Variants in CNTNAP2 observed in about 807,000 individuals in gnomAD.
CNTNAP2 encodes the protein contactin-associated protein-like 2.
In CNTNAP2, 98 loss-of-function variants were observed where a neutral mutation model predicts 155.2. The ratio of observed to expected loss-of-function variants is 0.63; its 90% confidence interval spans 0.54 to 0.75. The LOEUF (loss-of-function observed/expected upper bound fraction) is 0.75. Ranked by LOEUF, CNTNAP2 falls within the 30% of genes least tolerant of loss-of-function variation. The pLI is 0.00. For synonymous variants in CNTNAP2, 651 were observed against 631.2 expected, an observed-to-expected ratio of 1.03 and a Z score of -0.47; for missense variants, 1,727 against 1,688.1, an observed-to-expected ratio of 1.02 and a Z score of -0.40.
At chr7:147,049,236 A>G (rs1469294912) in intron 4 of CNTNAP2, among the ~76,000 whole-genome samples, 3 of 152,222 alleles carry the variant, frequency 2.0e-5, no homozygotes, top group African/African-American at 7.2e-5. Flanking sequence ...GCGTACACCA[A>G]ATGTCCAGAT....
chr7:146,939,958 G>A (rs1797013283), intron 3 of CNTNAP2, among the ~76,000 whole-genome samples: 1 of 151,922 alleles, frequency 6.6e-6, no homozygotes, highest in Non-Finnish European at 1.5e-5. Flanking sequence ...AAGTCTCACC[G>A]GACTAATGCT....
At chr7:146,626,666 T>C (rs1799424789) in intron 1 of CNTNAP2, among the ~76,000 whole-genome samples, 1 of 152,112 alleles carries the variant, frequency 6.6e-6, no homozygotes, top group African/African-American at 2.4e-5. Context: ...TCATCATGAA[T>C]TAAAGACTAG....
chr7:146,581,940 G>A (rs996796467), intron 1 of CNTNAP2, among the ~76,000 whole-genome samples: 1 of 152,070 alleles, frequency 6.6e-6, no homozygotes, highest in Non-Finnish European at 1.5e-5. Context: ...ACCACGAGGA[G>A]TTTACAATCT....
chr7:147,706,370 C>T (rs537706755), intron 13 of CNTNAP2, among the ~76,000 whole-genome samples: 2 of 151,962 alleles, frequency 1.3e-5, no homozygotes, highest in African/African-American at 4.8e-5. Flanking sequence ...TTTATTTCTC[C>T]TTCATTTATG....
intron 14 of CNTNAP2, among the ~76,000 whole-genome samples, chr7:147,944,570 C>G (rs1159670220): frequency 6.6e-6 from 1 of 152,152 alleles, no homozygotes; most frequent in Admixed American, 6.5e-5. Flanking sequence ...GGGAAATTGA[C>G]AAGTGTGTCT....
intron 8 of CNTNAP2, among the ~76,000 whole-genome samples, chr7:147,257,245 A>G (rs1239410504): frequency 4.6e-5 from 7 of 152,160 alleles, no homozygotes; most frequent in Admixed American, 3.9e-4. Flanking sequence ...GGTCCAGTGA[A>G]ACATTGAGGT....
intron 1 of CNTNAP2, among the ~76,000 whole-genome samples, chr7:146,667,813 G>T (rs1002378507): frequency 4.0e-5 from 6 of 151,690 alleles, no homozygotes; most frequent in Admixed American, 3.3e-4. Context: ...GGATTTTCGT[G>T]TGTCGATTTT....
At chr7:147,398,384 G>C (rs1796855631) in intron 10 of CNTNAP2, among the ~76,000 whole-genome samples, 2 of 137,238 alleles carry the variant, frequency 1.5e-5, no homozygotes, top group Admixed American at 1.5e-4. Flanking sequence ...TGATCGATTT[G>C]AGAGTTATTT....
At position 148,217,331 on chromosome 7, in the gene CNTNAP2, C is replaced by A; in HGVS notation, c.3054C>A (p.Asn1018Lys). The A allele has an allele frequency of 6.2e-7, 1 of 1,614,102 alleles. No individual in the cohort carries two copies. The highest frequency in any genetic ancestry group is 8.5e-7 in the Non-Finnish European group (1 of 1,179,998). Residue 1018 changes from asparagine to lysine, a missense_variant, in exon 19 of 24, where the codon AAC becomes AAA. Asn to Lys is a moderately conservative substitution (Grantham distance 94). Transcript: ENST00000361727. Reference sequence around the variant, plus strand: ...AAGAAGGGATGTGGCTACGATATAACTTTCAGGCACCAGCAACAAATGCCA... The same window carrying A: ...AAGAAGGGATGTGGCTACGATATAAATTTCAGGCACCAGCAACAAATGCCA... ...FFEEGMWLRY[N>K]FQAPATNARD...
Position 146,273,086 on chromosome 7 carries a change from A to AG in CNTNAP2, c.97+156113_97+156114insG, listed in dbSNP as rs1563016942. Among the ~76,000 whole-genome samples, 109 of 138,062 alleles carry AG rather than the reference A, an allele frequency of 7.9e-4. 1 individual carries two copies. Among genetic ancestry groups the AG allele is most frequent in the African/African-American group, 3.0e-3 (103 of 34,422 alleles). The allele number at this position is 138,062 out of a possible 152,430, so 90.6% of individuals were successfully genotyped here. A position where few individuals can be genotyped will look rare whatever the true frequency, so the allele number is the denominator to read the frequency against. On this transcript the variant is annotated intron_variant, in intron 1 of 23. Transcript: ENST00000361727. ...AGGGTGGAAGGGTGAGAGAAAGAGA[A>AG]AGAGAGAGAGAGAGAGAGAGAGAGA...
At chr7:147,956,300 CAAA>C (rs11302995) in intron 14 of CNTNAP2, among the ~76,000 whole-genome samples, 40 of 139,120 alleles carry the variant, frequency 2.9e-4, no homozygotes, top group Admixed American at 2.8e-4. Context: ...TGGCAGGGGG[CAAA>C]AAAAAAAAAA....
chr7:146,940,203 ATTAT>A (rs1015146972), intron 3 of CNTNAP2, among the ~76,000 whole-genome samples: 2 of 151,482 alleles, frequency 1.3e-5, no homozygotes, highest in Non-Finnish European at 2.9e-5. Context: ...TTTTATTTTT[ATTAT>A]TTATTTATTT....
At chr7:146,311,422 CATT>C (rs1267152581) in intron 1 of CNTNAP2, among the ~76,000 whole-genome samples, 1 of 151,692 alleles carries the variant, frequency 6.6e-6, no homozygotes, top group Non-Finnish European at 1.5e-5. Context: ...ATGACTAAAT[CATT>C]GTTTCTAGTG....
At chr7:148,088,735 A>G (rs561781151) in intron 15 of CNTNAP2, among the ~76,000 whole-genome samples, 51 of 151,996 alleles carry the variant, frequency 3.4e-4, no homozygotes, top group Non-Finnish European at 6.2e-4. Context: ...CCAAACATTT[A>G]AAGGATAAAA....
intron 21 of CNTNAP2, among the ~76,000 whole-genome samples, chr7:148,375,646 A>G (rs1169081321): frequency 5.3e-5 from 8 of 151,614 alleles, no homozygotes; most frequent in Non-Finnish European, 1.2e-4. Context: ...GGCGTAAGCC[A>G]CCATGCCCGG....
chr7:146,254,158 CACACAAGCAA>C (rs1197735470), intron 1 of CNTNAP2, among the ~76,000 whole-genome samples: 1 of 135,072 alleles, frequency 7.4e-6, no homozygotes, highest in South Asian at 2.3e-4. Flanking sequence ...CACACACACA[CACACAAGCAA>C]ACACACACAA....
chr7:147,372,484 C>T (rs1796363818), intron 9 of CNTNAP2, among the ~76,000 whole-genome samples: 1 of 152,082 alleles, frequency 6.6e-6, no homozygotes, highest in South Asian at 2.1e-4. Context: ...ACTGTTCATT[C>T]CTGAACTCTA....
At chr7:147,530,537 C>T (rs2116724248) in intron 11 of CNTNAP2, among the ~76,000 whole-genome samples, 1 of 152,208 alleles carries the variant, frequency 6.6e-6, no homozygotes, top group East Asian at 1.9e-4. Context: ...AAAGCAGAAA[C>T]CCCTAATAGA....
intron 10 of CNTNAP2, among the ~76,000 whole-genome samples, chr7:147,477,961 T>C (rs1394497084): frequency 2.0e-5 from 3 of 152,180 alleles, no homozygotes; most frequent in Non-Finnish European, 4.4e-5. Context: ...TGGTTGTACA[T>C]TTAACATCTA....
Sources: allele counts gnomAD v4.1 joint callset (sites outside exome capture counted in the v4.1 genomes callset), GRCh38; gene constraint gnomAD v4.1.1; transcripts MANE v1.5; gene names NCBI Gene and HGNC (gene_info 2026-07-23, HGNC 2026-07-21).